The following ZNF678 variants were observed in gnomAD, a reference collection of about 807,000 sequenced individuals.
ZNF678 encodes hypothetical protein MGC42493.
A neutral mutation model predicts 3.0 loss-of-function variants in ZNF678; 5 were observed. The ratio of observed to expected loss-of-function variants is 1.69; its 90% CI spans 0.88 to 3.56. The LOEUF is 3.56. Ranked by LOEUF, ZNF678 falls within the 30% of genes most tolerant of loss-of-function variation. ZNF678 has a pLI of 0.00. For missense variants in ZNF678, 593 were observed against 605.0 expected (o/e 0.98, Z 0.21); for synonymous variants, 218 against 199.6 (o/e 1.09, Z -0.78).
At chr1:227,648,259 G>A (rs1488111455) in intron 2 of ZNF678, among the ~76,000 whole-genome samples, 1 of 152,026 alleles carries the variant, frequency 6.6e-6, no homozygotes, top group African/African-American at 2.4e-5. Context: ...TTAAATAACT[G>A]TATTTTAAAT....
rs1266678808 is a variant in ZNF678 at position 227,659,271 on chromosome 1, G to A, written c.*3443G>A. 1 of 152,060 alleles carries A rather than the reference G, an allele frequency of 6.6e-6. No individual in the cohort carries two copies. The highest frequency in any genetic ancestry group is 1.5e-5 in the Non-Finnish European group (1 of 67,990). The allele number at this position is 152,060 out of a possible 1,614,324, so 9.4% of individuals were successfully genotyped here. On this transcript the variant is annotated 3_prime_UTR_variant, in exon 4 of 4. Coordinates refer to ENST00000343776, the MANE Select transcript of ZNF678 (RefSeq NM_001367909.1). ...CACAATATGTTTTATTTAAATGGAT[G>A]CAGCTTACATTGCAGAGTTTATATA...
intron 5 of ZNF678, among the ~76,000 whole-genome samples, chr1:227,676,546 A>G (rs1306976514): frequency 6.6e-6 from 1 of 151,976 alleles, no homozygotes; most frequent in East Asian, 1.9e-4. Context: ...TTATACTTTA[A>G]GTTTTGGGGT....
rs1249094492 is a variant in ZNF678 at position 227,661,327 on chromosome 1, A to G, written c.*5499A>G. On this transcript the variant is annotated 3_prime_UTR_variant, in exon 4 of 4. Transcript: ENST00000343776. ...GTTGTTGTTGTTGTTGTTGTTTACCAGCAGGGGACCCCTGTTTTGTCTATG... is the reference window on the plus strand; with the variant it reads ...GTTGTTGTTGTTGTTGTTGTTTACCGGCAGGGGACCCCTGTTTTGTCTATG... 2.0e-5 allele frequency: 3 copies of G among 151,954 alleles called. No individual in the cohort carries two copies. The highest frequency in any genetic ancestry group is 7.3e-5 in the African/African-American group (3 of 41,358). 9.4% of individuals were successfully genotyped at this position (151,954 alleles called of 1,614,324 possible). A position where few individuals can be genotyped will look rare whatever the true frequency, so the allele number is the denominator to read the frequency against.
rs535134412 is a variant in ZNF678 at position 227,618,636 on chromosome 1, A to G, written c.-163-27908A>G. 6.6e-5 allele frequency among the ~76,000 whole-genome samples: 10 copies of G among 152,304 alleles called. No homozygotes were observed. In the South Asian group the frequency reaches 2.1e-3, roughly 32 times the overall value. ...TCATCTAATTGTCTTAAGAAGCAAAAATGGAGAGTATGTGTCTGGCTTTTT... is the reference window on the plus strand; with the variant it reads ...TCATCTAATTGTCTTAAGAAGCAAAGATGGAGAGTATGTGTCTGGCTTTTT... On this transcript the variant is annotated intron_variant, in intron 1 of 3. Coordinates refer to ENST00000343776, the MANE Select transcript of ZNF678 (RefSeq NM_001367909.1).
intron 1 of ZNF678, among the ~76,000 whole-genome samples, chr1:227,615,462 A>T (rs1276947571): frequency 6.6e-6 from 1 of 152,152 alleles, no homozygotes; most frequent in Non-Finnish European, 1.5e-5. Flanking sequence ...TGTACCTATG[A>T]TATCACCTCC....
At chr1:227,669,006 G>T (rs1364777012) in intron 5 of ZNF678, among the ~76,000 whole-genome samples, 1 of 151,522 alleles carries the variant, frequency 6.6e-6, no homozygotes, top group Non-Finnish European at 1.5e-5. Flanking sequence ...CTTTGGCAAG[G>T]AATTTAAGAC....
intron 5 of ZNF678, among the ~76,000 whole-genome samples, chr1:227,671,440 C>T (rs185647575): frequency 2.0e-5 from 3 of 152,132 alleles, no homozygotes; most frequent in Admixed American, 1.3e-4. Flanking sequence ...ATTGGTGTGA[C>T]GGACCAATAG....
At chr1:227,597,206 C>T (rs1657615162) in intron 1 of ZNF678, among the ~76,000 whole-genome samples, 1 of 152,232 alleles carries the variant, frequency 6.6e-6, no homozygotes, top group South Asian at 2.1e-4. Context: ...GGCTAGTTAT[C>T]TGCAGCAGGA....
chr1:227,609,966 C>A (rs1657974143), intron 1 of ZNF678, among the ~76,000 whole-genome samples: 1 of 152,130 alleles, frequency 6.6e-6, no homozygotes, highest in African/African-American at 2.4e-5. Flanking sequence ...ATTTCCTGAC[C>A]TCGTGATCTG....
chr1:227,601,674 C>T (rs1274514807), intron 1 of ZNF678, among the ~76,000 whole-genome samples: 4 of 152,092 alleles, frequency 2.6e-5, no homozygotes, highest in Non-Finnish European at 4.4e-5. Context: ...AAGCGATTCT[C>T]CTGCCTCAGC....
intron 1 of ZNF678, among the ~76,000 whole-genome samples, chr1:227,619,580 C>T (rs909383475): frequency 5.3e-5 from 8 of 151,940 alleles, no homozygotes; most frequent in South Asian, 2.1e-4. Flanking sequence ...GGCATGATCT[C>T]GGCTCACTGC....
chr1:227,648,850 T>G (rs1381592599), intron 2 of ZNF678, among the ~76,000 whole-genome samples: 2 of 151,750 alleles, frequency 1.3e-5, no homozygotes, highest in Non-Finnish European at 2.9e-5. Context: ...ACAAAAAAAC[T>G]GAAAAACACC....
intron 1 of ZNF678, among the ~76,000 whole-genome samples, chr1:227,595,822 G>A (rs2102743942): frequency 6.6e-6 from 1 of 152,298 alleles, no homozygotes; most frequent in South Asian, 2.1e-4. Context: ...GGCACACCGT[G>A]GGTGATCAGG....
intron 1 of ZNF678, among the ~76,000 whole-genome samples, chr1:227,612,209 C>A (rs114957026): frequency 3.3e-4 from 50 of 152,198 alleles, no homozygotes; most frequent in African/African-American, 1.2e-3. Flanking sequence ...GAAAAAGGAC[C>A]ACTCAGTATG....
At chr1:227,651,840 C>G (rs1409121248) in intron 3 of ZNF678, among the ~76,000 whole-genome samples, 1 of 152,144 alleles carries the variant, frequency 6.6e-6, no homozygotes, top group Non-Finnish European at 1.5e-5. Context: ...TCTCAAATAG[C>G]TGGAATTACA....
chr1:227,612,643 T>C (rs981475159), intron 1 of ZNF678, among the ~76,000 whole-genome samples: 2 of 152,198 alleles, frequency 1.3e-5, no homozygotes, highest in African/African-American at 4.8e-5. Flanking sequence ...AGACATCTTA[T>C]CAACTTGGAT....
chr1:227,636,770 G>A (rs2102786863), intron 1 of ZNF678, among the ~76,000 whole-genome samples: 1 of 152,310 alleles, frequency 6.6e-6, no homozygotes, highest in East Asian at 1.9e-4. Flanking sequence ...CCCAGTGGGG[G>A]AGTCCTTGGA....
At chr1:227,633,163 G>A (rs763369190) in intron 1 of ZNF678, among the ~76,000 whole-genome samples, 1 of 152,182 alleles carries the variant, frequency 6.6e-6, no homozygotes, top group Admixed American at 6.5e-5. Context: ...CTGGCATGGC[G>A]GCAATCAGCA....
intron 1 of ZNF678, among the ~76,000 whole-genome samples, chr1:227,565,633 G>T (rs913711857): frequency 6.6e-6 from 1 of 152,178 alleles, no homozygotes; most frequent in Non-Finnish European, 1.5e-5. Flanking sequence ...TAACCTCTTG[G>T]CACTCTATTG....
Sources: allele counts gnomAD v4.1 joint callset (sites outside exome capture counted in the v4.1 genomes callset), GRCh38; gene constraint gnomAD v4.1.1; transcripts MANE v1.5; gene names NCBI Gene and HGNC (gene_info 2026-07-23, HGNC 2026-07-21).